Variants in STK32C observed in about 807,000 individuals in gnomAD.
The protein encoded by STK32C is serine/threonine-protein kinase 32C.
Under a neutral mutation model 56.5 loss-of-function variants are expected in STK32C, and 31 were observed. That is an observed-to-expected ratio of 0.55 (90% confidence interval 0.41 to 0.74). The LOEUF is 0.74. Among genes scored for constraint, STK32C ranks in the 30% least tolerant of loss-of-function variants. The probability of loss-of-function intolerance (pLI) is 0.00; values close to 1 mark genes in which losing one functional copy is unlikely to be tolerated. For missense variants in STK32C, 544 were observed against 676.9 expected, an observed-to-expected ratio of 0.80 and a Z score of 2.18; for synonymous variants, 309 against 289.4, an observed-to-expected ratio of 1.07 and a Z score of -0.69.
chr10:132,281,013 C>T (rs1444583054), intron 1 of STK32C, among the ~76,000 whole-genome samples: 3 of 150,254 alleles, frequency 2.0e-5, no homozygotes, highest in African/African-American at 7.3e-5. Flanking sequence ...CACGCCCCTG[C>T]ACTCCGTGAT....
intron 2 of STK32C, among the ~76,000 whole-genome samples, chr10:132,231,700 T>C (rs1437544295): frequency 1.3e-5 from 2 of 152,174 alleles, no homozygotes; most frequent in Non-Finnish European, 2.9e-5. Flanking sequence ...CTAAAGCCAA[T>C]GATAGACACC....
chr10:132,273,862 A>T (rs2064913865), intron 1 of STK32C, among the ~76,000 whole-genome samples: 1 of 94,632 alleles, frequency 1.1e-5, no homozygotes, highest in Admixed American at 9.5e-5. Flanking sequence ...TGAGTGAATG[A>T]ATGAGAGTGG....
chr10:132,313,557 A>G (rs780798971), intron 1 of STK32C, among the ~76,000 whole-genome samples: 8 of 152,230 alleles, frequency 5.3e-5, no homozygotes, highest in Non-Finnish European at 8.8e-5. Flanking sequence ...CGAGAGCAGG[A>G]GTGGATGCCA....
At chr10:132,208,611 C>T (rs1357145689) in intron 11 of STK32C, among the ~76,000 whole-genome samples, 2 of 152,194 alleles carry the variant, frequency 1.3e-5, no homozygotes, top group African/African-American at 4.8e-5. Context: ...CCTTGGGCCC[C>T]ACCGTGGCAG....
upstream of STK32C, among the ~76,000 whole-genome samples, chr10:132,312,574 A>T (rs187168462): frequency 8.3e-4 from 126 of 152,360 alleles, no homozygotes; most frequent in East Asian, 5.8e-4. Flanking sequence ...AAAAAGAGTC[A>T]TCGGTCCCAA....
intron 1 of STK32C, among the ~76,000 whole-genome samples, chr10:132,304,529 C>A (rs1190958291): frequency 6.6e-6 from 1 of 152,194 alleles, no homozygotes; most frequent in African/African-American, 2.4e-5. Flanking sequence ...GGCAAATTGG[C>A]ATGCAGAGCA....
chr10:132,237,111 A>G (rs1460619306), intron 2 of STK32C, among the ~76,000 whole-genome samples: 1 of 152,308 alleles, frequency 6.6e-6, no homozygotes, highest in East Asian at 1.9e-4. Context: ...TTGAGACCGG[A>G]GCTGCCAGCT....
chr10:132,316,655 C>T (rs12269628), intron 1 of STK32C, among the ~76,000 whole-genome samples: 19,309 of 151,706 alleles, frequency 0.13, 1,437 homozygotes, highest in East Asian at 0.37. Flanking sequence ...ATCAGTGATC[C>T]TTTAAAAAGT....
At chr10:132,251,828 C>T (rs370866635) in intron 1 of STK32C, among the ~76,000 whole-genome samples, 228 of 68,570 alleles carry the variant, frequency 3.3e-3, no homozygotes, top group Middle Eastern at 8.5e-3. Flanking sequence ...CCTCCACTAC[C>T]CACCACAGGC....
At chr10:132,312,039 C>G (rs759782554), upstream of STK32C, among the ~76,000 whole-genome samples, 1 of 152,190 alleles carries the variant, frequency 6.6e-6, no homozygotes, top group Non-Finnish European at 1.5e-5. Context: ...CAGAGTCTCA[C>G]TGTGTTGCCC....
In STK32C at chr10:132,225,521, G is replaced by C. The variant is rs202230396; in HGVS notation, c.772+6C>G. 1 of 1,613,776 alleles carries C rather than the reference G, an allele frequency of 6.2e-7. No homozygotes were observed. Among genetic ancestry groups the C allele is most frequent in the Non-Finnish European group, 8.5e-7 (1 of 1,180,012 alleles). The stretch of plus-strand genomic sequence containing the variant: ...GCTCCCATCTGGAACCCCAGCTCGG[G>C]CTCACCCATGTACGGCTTGGTGCCT... On this transcript the variant is annotated splice_donor_region_variant and intron_variant, in intron 6 of 11. Transcript: ENST00000298630.
At chr10:132,217,713 G>A (rs1254294361) in intron 10 of STK32C, among the ~76,000 whole-genome samples, 2 of 152,120 alleles carry the variant, frequency 1.3e-5, no homozygotes, top group African/African-American at 2.4e-5. Flanking sequence ...TGAGTCTCAT[G>A]AGATCCGATG....
At chr10:132,246,040 C>T (rs1202211453) in intron 1 of STK32C, 85 bp from the exon 2 acceptor site, 4 of 1,301,684 alleles carry the variant, frequency 3.1e-6, no homozygotes, top group African/African-American at 1.5e-5. Context: ...CATCCCCCAC[C>T]CCGACACTGC....
At chr10:132,236,159 C>T (rs561650235) in intron 2 of STK32C, among the ~76,000 whole-genome samples, 4 of 142,996 alleles carry the variant, frequency 2.8e-5, no homozygotes, top group Admixed American at 1.4e-4. Flanking sequence ...AAAGCCCACA[C>T]ATGGGCCTCA....
intron 1 of STK32C, among the ~76,000 whole-genome samples, chr10:132,258,509 C>A (rs1016915827): frequency 1.3e-5 from 2 of 152,184 alleles, no homozygotes; most frequent in African/African-American, 4.8e-5. Context: ...CTCCTGGGTG[C>A]CTAGGCCAGC....
At chr10:132,209,478 C>A (rs931837037) in intron 10 of STK32C, 1 of 400,906 alleles carries the variant, frequency 2.5e-6, no homozygotes, top group African/African-American at 2.0e-5. Flanking sequence ...AGCACACACA[C>A]ACCTGTCCCA....
chr10:132,268,305 C>G lies in STK32C; in HGVS notation c.263-22350G>C, dbSNP rs552642252. Among the ~76,000 whole-genome samples the G allele has an allele frequency of 3.8e-5, 5 of 132,442 alleles. 1 individual carries two copies. Among genetic ancestry groups the G allele is most frequent in the African/African-American group, 1.2e-4 (4 of 33,486 alleles). 86.9% of individuals were successfully genotyped at this position (132,442 alleles called of 152,430 possible). A position where few individuals can be genotyped will look rare whatever the true frequency, so the allele number is the denominator to read the frequency against. On this transcript the variant is annotated intron_variant, in intron 1 of 11. Coordinates refer to ENST00000298630, the MANE Select transcript of STK32C (RefSeq NM_173575.4). ...TATGCCTGTGTGCATGCATGTCTCTCACATTGTGTATGTGTGTCGGTGTGT... is the reference window on the plus strand; with the variant it reads ...TATGCCTGTGTGCATGCATGTCTCTGACATTGTGTATGTGTGTCGGTGTGT...
intron 1 of STK32C, among the ~76,000 whole-genome samples, chr10:132,267,828 TCAGTGC>T (rs2064622099): frequency 7.4e-6 from 1 of 134,938 alleles, no homozygotes; most frequent in Non-Finnish European, 1.6e-5. Context: ...TGTGTGTGTG[TCAGTGC>T]GTGTGCATGC....
intron 1 of STK32C, among the ~76,000 whole-genome samples, chr10:132,263,509 C>T (rs1208990324): frequency 6.6e-6 from 1 of 152,060 alleles, no homozygotes; most frequent in Non-Finnish European, 1.5e-5. Flanking sequence ...GCTTGGGTGA[C>T]AGGATCAATT....
Sources: allele counts gnomAD v4.1 joint callset (sites outside exome capture counted in the v4.1 genomes callset), GRCh38; gene constraint gnomAD v4.1.1; transcripts MANE v1.5; gene names NCBI Gene and HGNC (gene_info 2026-07-23, HGNC 2026-07-21).